The following SH3BGR variants were observed in gnomAD, a reference collection of about 807,000 sequenced individuals.
SH3BGR encodes SH3 domain binding glutamate rich protein.
SH3BGR carries 29 observed loss-of-function variants against 24.5 expected under a neutral mutation model. The ratio of observed to expected loss-of-function variants is 1.18; its 90% CI spans 0.88 to 1.61. The LOEUF (loss-of-function observed/expected upper bound fraction) is 1.61. Among genes scored for constraint, SH3BGR ranks in the 40% most tolerant of loss-of-function variants. The pLI, the probability that SH3BGR is intolerant of heterozygous loss-of-function variation, is 0.00. For synonymous variants in SH3BGR, 55 were observed against 65.7 expected, an observed-to-expected ratio of 0.84 and a Z score of 0.79; for missense variants, 162 against 205.8, an observed-to-expected ratio of 0.79 and a Z score of 1.30.
At chr21:39,513,931 G>A (rs981215333) in intron 6 of SH3BGR, among the ~76,000 whole-genome samples, 7 of 152,204 alleles carry the variant, frequency 4.6e-5, no homozygotes, top group African/African-American at 1.7e-4. Context: ...AGCCGAGAGA[G>A]AATCTTTAAT....
chr21:39,472,287 A>G (rs963600536), intron 2 of SH3BGR, among the ~76,000 whole-genome samples: 1 of 152,156 alleles, frequency 6.6e-6, no homozygotes, highest in African/African-American at 2.4e-5. Context: ...TGCATCAAAC[A>G]TGGCTGAAGG....
intron 3 of SH3BGR, among the ~76,000 whole-genome samples, chr21:39,479,262 G>GTAGTGCTGGTGGTGA (rs1555912300): frequency 1.9e-4 from 29 of 149,960 alleles, no homozygotes; most frequent in African/African-American, 6.6e-4. Context: ...GGTGGTGATG[G>GTAGTGCTGGTGGTGA]TAGTGCTGGT....
At chr21:39,489,238 T>A (rs1030275687) in intron 3 of SH3BGR, among the ~76,000 whole-genome samples, 4 of 152,220 alleles carry the variant, frequency 2.6e-5, no homozygotes, top group South Asian at 4.1e-4. Flanking sequence ...GAGATGCTGC[T>A]GCAGCCCCCT....
At position 39,475,136 on chromosome 21, in the gene SH3BGR, A is replaced by G. The variant is rs373600676; in HGVS notation, c.233A>G (p.Asp78Gly). 1.2e-6 allele frequency: 2 copies of G among 1,601,392 alleles called. No homozygotes were observed. Among genetic ancestry groups the G allele is most frequent in the African/African-American group, 2.7e-5 (2 of 74,650 alleles). ...AACTTTCTTTTTCTTTGCTTCAAGG[A>G]TTTTGACTCTTTCTTCTCTGCAAAA... ...QIFNEEQYCGDFDSFFSAKEE... is the reference protein window; with the variant it reads ...QIFNEEQYCGGFDSFFSAKEE... Residue 78 changes from aspartate to glycine, a missense_variant and splice_region_variant, in exon 3 of 7, where the codon GAT (aspartate) becomes GGT (glycine). Asp to Gly is a moderately conservative substitution (Grantham distance 94). Coordinates refer to ENST00000333634, the MANE Select transcript of SH3BGR (RefSeq NM_007341.3).
At chr21:39,504,452 T>A (rs1364819596) in intron 4 of SH3BGR, among the ~76,000 whole-genome samples, 1 of 152,196 alleles carries the variant, frequency 6.6e-6, no homozygotes, top group Non-Finnish European at 1.5e-5. Flanking sequence ...TGCCTGGCAC[T>A]CACCACCACG....
At chr21:39,513,335 C>A (rs2078729581) in intron 6 of SH3BGR, among the ~76,000 whole-genome samples, 1 of 152,118 alleles carries the variant, frequency 6.6e-6, no homozygotes, top group African/African-American at 2.4e-5. Flanking sequence ...AAGAAGAAAT[C>A]TTTGGTGCTC....
Position 39,490,391 on chromosome 21 carries a change from G to A in SH3BGR, c.313-9432G>A, listed in dbSNP as rs561638319. Among the ~76,000 whole-genome samples, 6 of 152,294 alleles carry A rather than the reference G, an allele frequency of 3.9e-5. No homozygotes were observed. In the East Asian group the frequency reaches 5.8e-4, roughly 15 times the overall value. ...TTCCCTGGAAGAAAAGAGACGATCC[G>A]TTTGGATTTTTGCACAGCTGTTCTG... is the stretch of plus-strand genomic sequence containing the variant. On this transcript the variant is annotated intron_variant, in intron 3 of 6. Transcript: ENST00000333634.
chr21:39,466,851 G>C (rs2077851573), intron 2 of SH3BGR, among the ~76,000 whole-genome samples: 1 of 152,076 alleles, frequency 6.6e-6, no homozygotes, highest in South Asian at 2.1e-4. Flanking sequence ...CATAGATGTT[G>C]CAAATATTTC....
upstream of SH3BGR, among the ~76,000 whole-genome samples, chr21:39,449,480 A>G (rs2077549309): frequency 6.6e-6 from 1 of 152,190 alleles, no homozygotes; most frequent in African/African-American, 2.4e-5. Context: ...TCAGGGGTTC[A>G]TTGAGCTTTA....
chr21:39,495,188 G>A (rs371646702), intron 3 of SH3BGR, among the ~76,000 whole-genome samples: 1 of 152,036 alleles, frequency 6.6e-6, no homozygotes, highest in East Asian at 1.9e-4. Context: ...TCTTTTCTGT[G>A]TTGGTCTTCA....
At chr21:39,506,156 C>G (rs1046756950) in intron 4 of SH3BGR, among the ~76,000 whole-genome samples, 1 of 152,132 alleles carries the variant, frequency 6.6e-6, no homozygotes, top group Non-Finnish European at 1.5e-5. Context: ...CCCAGAGATC[C>G]AAAAATGAAT....
chr21:39,512,627 A>G (rs1468975111), intron 6 of SH3BGR, among the ~76,000 whole-genome samples: 2 of 152,152 alleles, frequency 1.3e-5, no homozygotes, highest in African/African-American at 4.8e-5. Context: ...GAAAACCCCT[A>G]AAGACATGAA....
upstream of SH3BGR, chr21:39,451,739 C>T (rs2077577250): frequency 1.2e-6 from 1 of 861,248 alleles, no homozygotes; most frequent in Admixed American, 2.7e-5. Flanking sequence ...CCCAAGGCAT[C>T]TCTGCACAGG....
intron 2 of SH3BGR, among the ~76,000 whole-genome samples, chr21:39,469,556 G>A (rs1397411376): frequency 6.7e-6 from 1 of 149,614 alleles, no homozygotes; most frequent in Non-Finnish European, 1.5e-5. Flanking sequence ...CTTCTCTAAT[G>A]TCAATATTTA....
At chr21:39,478,574 A>G (rs967542822) in intron 3 of SH3BGR, among the ~76,000 whole-genome samples, 1 of 152,234 alleles carries the variant, frequency 6.6e-6, no homozygotes, top group Non-Finnish European at 1.5e-5. Flanking sequence ...TTGGCTCTGA[A>G]AAACAAAATG....
At chr21:39,479,229 G>T (rs999024152) in intron 3 of SH3BGR, among the ~76,000 whole-genome samples, 1 of 142,020 alleles carries the variant, frequency 7.0e-6, no homozygotes, top group Non-Finnish European at 1.6e-5. Flanking sequence ...GGTAAGGGTG[G>T]TGGTGGTGGT....
intron 3 of SH3BGR, chr21:39,491,872 A>G (rs1213761805): frequency 6.3e-6 from 1 of 158,196 alleles, no homozygotes; most frequent in African/African-American, 2.4e-5. Context: ...TTTTGGTATG[A>G]CCTTTGTTCC....
At chr21:39,481,903 G>T (rs2078135939) in intron 3 of SH3BGR, among the ~76,000 whole-genome samples, 1 of 152,108 alleles carries the variant, frequency 6.6e-6, no homozygotes, top group Non-Finnish European at 1.5e-5. Context: ...TTGTTTCTTG[G>T]GGGAATCAGT....
chr21:39,457,933 A>C (rs538715259), intron 1 of SH3BGR, among the ~76,000 whole-genome samples: 10 of 152,264 alleles, frequency 6.6e-5, no homozygotes, highest in African/African-American at 2.2e-4. Context: ...TCAAAAGAAA[A>C]AACAAGAAAC....
Sources: gnomAD v4.1 joint callset for allele counts (sites outside exome capture counted in the v4.1 genomes callset) on GRCh38, gnomAD v4.1.1 for gene constraint, MANE v1.5 for transcripts, NCBI Gene and HGNC (gene_info 2026-07-23, HGNC 2026-07-21) for gene names.